The following FZR1 variants were observed in gnomAD, a reference collection of about 807,000 sequenced individuals.
FZR1 encodes the protein fizzy-related protein homolog.
Under a neutral mutation model 63.6 loss-of-function variants are expected in FZR1, and 11 were observed. The ratio of observed to expected loss-of-function variants is 0.17; its 90% CI spans 0.11 to 0.29. The LOEUF is 0.29. Among genes scored for constraint, FZR1 ranks in the 10% least tolerant of loss-of-function variants. FZR1 has a pLI of 1.00. For missense variants in FZR1, 440 were observed against 687.5 expected (o/e 0.64, Z 4.03); for synonymous variants, 328 against 297.9 (o/e 1.10, Z -1.04).
At chr19:3,528,758 T>TGTGGATGGGTGC (rs200738094) in intron 7 of FZR1, among the ~76,000 whole-genome samples, 25 of 87,310 alleles carry the variant, frequency 2.9e-4, no homozygotes, top group East Asian at 2.5e-3. Flanking sequence ...TGGGTGGGTG[T>TGTGGATGGGTGC]GTGGATGGGT....
intron 7 of FZR1, 103 bp downstream of exon 7, chr19:3,527,917 G>A (rs1046953419): frequency 2.3e-5 from 19 of 821,622 alleles, no homozygotes; most frequent in African/African-American, 1.9e-4. Flanking sequence ...CGAGCCAGGC[G>A]CCTGCCATGG....
intron 8 of FZR1, among the ~76,000 whole-genome samples, chr19:3,531,165 G>C (rs984070811): frequency 6.6e-6 from 1 of 152,134 alleles, no homozygotes; most frequent in Non-Finnish European, 1.5e-5. Flanking sequence ...ACTCAGGGTC[G>C]AGTGGGCTTT....
intron 1 of FZR1, among the ~76,000 whole-genome samples, chr19:3,507,277 C>G (rs1267767288): frequency 1.3e-5 from 2 of 151,750 alleles, no homozygotes; most frequent in Non-Finnish European, 2.9e-5. Flanking sequence ...CGTCCTGCCC[C>G]GTGTCTTCTC....
At chr19:3,529,030 G>T (rs2034073616) in intron 7 of FZR1, among the ~76,000 whole-genome samples, 1 of 151,696 alleles carries the variant, frequency 6.6e-6, no homozygotes, top group African/African-American at 2.4e-5. Context: ...AGTTGAGGAA[G>T]TGGATGGGTG....
At chr19:3,520,492 C>T (rs924963804) in intron 1 of FZR1, among the ~76,000 whole-genome samples, 1 of 152,232 alleles carries the variant, frequency 6.6e-6, no homozygotes, top group Non-Finnish European at 1.5e-5. Context: ...TCCTCATCTG[C>T]ACAGGCGGTG....
chr19:3,527,964 G>A, intron 7 of FZR1, 150 bp downstream of exon 7: 1 of 560,692 alleles, frequency 1.8e-6, no homozygotes, highest in Admixed American at 3.7e-5. Context: ...CCCAGCCACA[G>A]CCCTCCCAGC....
At position 3,526,453 on chromosome 19, in the gene FZR1, C is replaced by A; in HGVS notation, c.387+67C>A. ...GCAGCCTCCCCGGCCCCCCACCTCC[C>A]AGGCACCAGCTCTGCCTCCCCGAGC... On this transcript the variant is annotated intron_variant, in intron 5 of 13. Transcript: ENST00000441788. The surrounding 1 kb of genome is among the most constrained non-coding windows in gnomAD (Gnocchi z 5.4). 7.4e-7 allele frequency: 1 copy of A among 1,354,272 alleles called. No homozygotes were observed. Among genetic ancestry groups the A allele is most frequent in the Non-Finnish European group, 1.0e-6 (1 of 986,888 alleles). The allele number at this position is 1,354,272 out of a possible 1,614,324, so 83.9% of individuals were successfully genotyped here.
Position 3,526,192 on chromosome 19 carries a change from C to G in FZR1, c.259+9C>G. The stretch of plus-strand genomic sequence containing the variant: ...CTCAGACAACGGCAAAGGTTAGGGT[C>G]CCAGCCCATCCGCCCTGCAGGCCCC... On this transcript the variant is annotated intron_variant, in intron 4 of 13. Transcript: ENST00000441788. The surrounding 1 kb of genome is among the most constrained non-coding windows in gnomAD (Gnocchi z 5.4). The G allele has an allele frequency of 1.2e-6, 2 of 1,612,346 alleles. No homozygotes were observed. Among genetic ancestry groups the G allele is most frequent in the Non-Finnish European group, 1.7e-6 (2 of 1,179,930 alleles).
chr19:3,519,521 C>G (rs368766166), intron 1 of FZR1, among the ~76,000 whole-genome samples: 5 of 152,300 alleles, frequency 3.3e-5, no homozygotes, highest in African/African-American at 1.2e-4. Flanking sequence ...GGAGTCTGAG[C>G]AGGGGCTCCC....
At chr19:3,528,391 G>A (rs919585747) in intron 7 of FZR1, among the ~76,000 whole-genome samples, 2 of 152,178 alleles carry the variant, frequency 1.3e-5, no homozygotes, top group Non-Finnish European at 2.9e-5. Context: ...AGCTGCTCCC[G>A]CTGGCAGTGT....
At chr19:3,523,939 C>T (rs1415777652) in intron 2 of FZR1, among the ~76,000 whole-genome samples, 1 of 152,238 alleles carries the variant, frequency 6.6e-6, no homozygotes, top group Non-Finnish European at 1.5e-5. Context: ...CGCCTTCTCC[C>T]CCTGTGCGGT....
In FZR1 at chr19:3,537,694, C is replaced by T; in HGVS notation, c.*2858C>T. Reference sequence around the variant, plus strand: ...CAGGAGGCCCCAGGTGGTTTTGAGGCTCGCTCTTGCGCGGTGCCTGAGAAG... The same window carrying T: ...CAGGAGGCCCCAGGTGGTTTTGAGGTTCGCTCTTGCGCGGTGCCTGAGAAG... On this transcript the variant is annotated 3_prime_UTR_variant, in exon 14 of 14. Coordinates refer to ENST00000441788, the MANE Select transcript of FZR1 (RefSeq NM_016263.4). 1 of 152,856 alleles carries T rather than the reference C, an allele frequency of 6.5e-6. No individual in the cohort carries two copies. Among genetic ancestry groups the T allele is most frequent in the Non-Finnish European group, 1.5e-5 (1 of 68,468 alleles). The allele number at this position is 152,856 out of a possible 1,614,324, so 9.5% of individuals were successfully genotyped here. A position where few individuals can be genotyped will look rare whatever the true frequency, so the allele number is the denominator to read the frequency against.
At chr19:3,522,431 T>C (rs1568233098) in intron 1 of FZR1, among the ~76,000 whole-genome samples, 1 of 152,224 alleles carries the variant, frequency 6.6e-6, no homozygotes, top group Non-Finnish European at 1.5e-5. Flanking sequence ...TGAGTGCGGA[T>C]GTGGCTTGTC....
intron 1 of FZR1, among the ~76,000 whole-genome samples, chr19:3,513,325 C>T (rs1408523641): frequency 6.6e-6 from 1 of 152,158 alleles, no homozygotes; most frequent in Non-Finnish European, 1.5e-5. Flanking sequence ...AACCACTCTG[C>T]GGAGACTCCA....
At chr19:3,527,986 C>G (rs1018943410) in intron 7 of FZR1, among the ~76,000 whole-genome samples, 172 bp downstream of exon 7, 1 of 151,948 alleles carries the variant, frequency 6.6e-6, no homozygotes, top group Admixed American at 6.6e-5. Context: ...ACTACCCTCC[C>G]AGCCCTCCCA....
rs374470192 is a variant in FZR1 at position 3,527,718 on chromosome 19, C to T, written c.558C>T (p.Asp186=). 67 of 1,612,514 alleles carry T rather than the reference C, an allele frequency of 4.2e-5. 1 individual carries two copies. Among genetic ancestry groups the T allele is most frequent in the South Asian group, 4.1e-4 (37 of 91,092 alleles). ...FKVLDAPELQ[D]DFYLNLVDWS... ...TGCTGGACGCGCCCGAGCTGCAGGA[C>T]GACTTCTACCTCAATCTGGTGGACT... is the stretch of plus-strand genomic sequence containing the variant. Residue 186 remains aspartate (D), a synonymous_variant, in exon 7 of 14, where the codon GAC becomes GAT. Transcript: ENST00000441788.
chr19:3,532,021 C>T lies in FZR1; in HGVS notation c.934C>T (p.His312Tyr). 1 of 1,550,208 alleles carries T rather than the reference C, an allele frequency of 6.5e-7. No homozygotes were observed. The highest frequency in any genetic ancestry group is 8.7e-7 in the Non-Finnish European group (1 of 1,154,148). The change falls in exon 10 of 14, where the codon CAC becomes TAC. Residue 312 changes from histidine (H) to tyrosine (Y), a missense_variant. Physicochemically the swap from His to Tyr is moderately conservative, Grantham distance 83. Transcript: ENST00000441788. The stretch of plus-strand genomic sequence containing the variant: ...GCAGTCGGAGCGGCGGCTGCAGGGC[C>T]ACCGGCAGGAGGTGTGCGGGCTCAA... Reference protein sequence around the residue: ...PLQSERRLQGHRQEVCGLKWS... With the variant: ...PLQSERRLQGYRQEVCGLKWS...
intron 7 of FZR1, among the ~76,000 whole-genome samples, chr19:3,528,266 G>A (rs919616765): frequency 6.6e-6 from 1 of 152,258 alleles, no homozygotes; most frequent in East Asian, 1.9e-4. Flanking sequence ...CAGGGAGACT[G>A]GGTTGCTGGT....
chr19:3,528,494 G>A (rs1385075025), intron 7 of FZR1, among the ~76,000 whole-genome samples: 3 of 151,988 alleles, frequency 2.0e-5, no homozygotes, highest in Non-Finnish European at 2.9e-5. Flanking sequence ...CCCATCCTCT[G>A]CTCGTCCCAT....
Sources: allele counts gnomAD v4.1 joint callset (sites outside exome capture counted in the v4.1 genomes callset), GRCh38; gene constraint gnomAD v4.1.1; non-coding constraint Gnocchi (gnomAD v3.1); transcripts MANE v1.5; gene names NCBI Gene and HGNC (gene_info 2026-07-23, HGNC 2026-07-21).